Variants in CACNA1A observed in about 807,000 individuals in gnomAD.
The protein encoded by CACNA1A is calcium voltage-gated channel subunit alpha1 A.
Under a neutral mutation model 262.4 loss-of-function variants are expected in CACNA1A, and 57 were observed. The observed-to-expected ratio is 0.22, with a 90% CI of 0.18 to 0.27. CACNA1A has a LOEUF of 0.27. CACNA1A is among the 10% of genes least tolerant of loss of function. The pLI is 1.00. For synonymous variants in CACNA1A, 1,431 were observed against 1,419.3 expected (o/e 1.01, Z -0.18); for missense variants, 2,526 against 3,562.8 (o/e 0.71, Z 7.41).
intron 3 of CACNA1A, among the ~76,000 whole-genome samples, chr19:13,386,052 A>T (rs996979317): frequency 7.2e-5 from 11 of 151,912 alleles, no homozygotes; most frequent in African/African-American, 2.7e-4. Flanking sequence ...TCGTGAGGCT[A>T]AGGTGGGCGG....
intron 30 of CACNA1A, among the ~76,000 whole-genome samples, chr19:13,248,829 T>G: frequency 7.3e-6 from 1 of 137,520 alleles, no homozygotes. Flanking sequence ...GGCAACAGAG[T>G]GAGAATCCAT....
At chr19:13,386,396 A>G (rs1301267734) in intron 3 of CACNA1A, among the ~76,000 whole-genome samples, 1 of 152,118 alleles carries the variant, frequency 6.6e-6, no homozygotes, top group Non-Finnish European at 1.5e-5. Context: ...TCCCCGTGAG[A>G]TGAGTCACAT....
intron 31 of CACNA1A, among the ~76,000 whole-genome samples, chr19:13,238,834 G>T (rs2055969958): frequency 6.6e-6 from 1 of 152,088 alleles, no homozygotes; most frequent in Admixed American, 6.6e-5. Flanking sequence ...TGATCTTCCT[G>T]CCTCAGCCTC....
chr19:13,315,362 A>C (rs10423830), intron 11 of CACNA1A: 43,728 of 151,844 alleles, frequency 0.29, 6,757 homozygotes, highest in East Asian at 0.47. Flanking sequence ...CCATCATGCC[A>C]AGCTAATGTG....
intron 38 of CACNA1A, among the ~76,000 whole-genome samples, chr19:13,224,191 G>T (rs940421154): frequency 1.3e-5 from 2 of 152,178 alleles, no homozygotes; most frequent in East Asian, 3.9e-4. Context: ...GGGTGTGCTG[G>T]TGGGTACCTA....
chr19:13,330,466 T>C, intron 9 of CACNA1A, 133 bp from the exon 10 acceptor site: 1 of 713,242 alleles, frequency 1.4e-6, no homozygotes, highest in Non-Finnish European at 2.5e-6. Context: ...ATACCCATTT[T>C]TCAGATGTGT....
intron 3 of CACNA1A, among the ~76,000 whole-genome samples, chr19:13,372,665 G>C (rs1427958285): frequency 6.6e-6 from 1 of 152,172 alleles, no homozygotes; most frequent in African/African-American, 2.4e-5. Flanking sequence ...AGGGTTGTGA[G>C]GATTCAGTAA....
chr19:13,283,230 A>C, intron 22 of CACNA1A, 37 bp downstream of exon 22: 1 of 1,604,472 alleles, frequency 6.2e-7, no homozygotes, highest in South Asian at 1.1e-5. Context: ...GAGGCAGAGC[A>C]GCCAGGCTAG....
chr19:13,248,157 T>C (rs2056297919), intron 30 of CACNA1A, among the ~76,000 whole-genome samples: 1 of 152,156 alleles, frequency 6.6e-6, no homozygotes. Context: ...TCTCAGGCTC[T>C]GCTTCTGGGG....
At chr19:13,296,792 C>T (rs900427715) in intron 19 of CACNA1A, among the ~76,000 whole-genome samples, 6 of 152,272 alleles carry the variant, frequency 3.9e-5, no homozygotes, top group African/African-American at 1.4e-4. Context: ...CAAAGCCTTG[C>T]TCTGTCGCCC....
intron 1 of CACNA1A, among the ~76,000 whole-genome samples, chr19:13,499,610 C>G (rs931451451): frequency 2.0e-5 from 3 of 152,098 alleles, no homozygotes; most frequent in African/African-American, 7.2e-5. Context: ...TTTTCACGCA[C>G]GACCCCATTT....
At chr19:13,229,287 GA>G (rs2055582559) in intron 36 of CACNA1A, among the ~76,000 whole-genome samples, 1 of 152,166 alleles carries the variant, frequency 6.6e-6, no homozygotes. Context: ...GAGGCCAGAG[GA>G]AGATGGGGCT....
intron 3 of CACNA1A, among the ~76,000 whole-genome samples, chr19:13,417,165 C>A (rs767583279): frequency 6.6e-6 from 1 of 152,138 alleles, no homozygotes; most frequent in African/African-American, 2.4e-5. Flanking sequence ...GGTCAGAAAG[C>A]GACTGCCAAG....
Position 13,255,076 on chromosome 19 carries a change from G to A in CACNA1A, c.4755+19C>T. The A allele has an allele frequency of 6.2e-7, 1 of 1,612,936 alleles. No homozygotes were observed. On this transcript the variant is annotated intron_variant, in intron 29 of 46. Coordinates refer to ENST00000360228, the MANE Select transcript of CACNA1A (RefSeq NM_001127222.2). ...AGGTGGGGGTTAAGTAGTGCTGGGGGCTGGTGTGGGGCACTTACCTTCATC... is the reference window on the plus strand; with the variant it reads ...AGGTGGGGGTTAAGTAGTGCTGGGGACTGGTGTGGGGCACTTACCTTCATC...
Position 13,208,978 on chromosome 19 carries a change from T to G in CACNA1A, c.6558A>C (p.Gln2186His). Residue 2186 changes from glutamine to histidine, a missense_variant, in exon 46 of 47, where the codon CAA (glutamine) becomes CAC (histidine). Coordinates refer to ENST00000360228, the MANE Select transcript of CACNA1A (RefSeq NM_001127222.2). ...GLGTDLSMTTQSGDLPSKERD... is the reference protein window; with the variant it reads ...GLGTDLSMTTHSGDLPSKERD... ...GCTCCTTCGACGGCAGGTCCCCGGATTGGGTGGTCATGCTCAGGTCTGTCC... is the reference window on the plus strand; with the variant it reads ...GCTCCTTCGACGGCAGGTCCCCGGAGTGGGTGGTCATGCTCAGGTCTGTCC... The G allele has an allele frequency of 6.5e-7, 1 of 1,537,090 alleles. No homozygotes were observed.
chr19:13,413,256 G>A (rs369298965), intron 3 of CACNA1A, among the ~76,000 whole-genome samples: 34 of 151,802 alleles, frequency 2.2e-4, no homozygotes, highest in East Asian at 9.8e-4. Context: ...ACAGGCGCCC[G>A]CCACCATACC....
In CACNA1A at chr19:13,212,285, G is replaced by A; in HGVS notation, c.6190-69C>T. On this transcript the variant is annotated intron_variant, in intron 42 of 46. Transcript: ENST00000360228. This position sits in a 1 kb window ranked among gnomAD's most constrained non-coding sequence, Gnocchi z 5.6. ...CTCCAGATCCCTGGTGTCTGCAGAG[G>A]GAGGGAGCTGCAGGTGTGTGTGTGT... is the stretch of plus-strand genomic sequence containing the variant. 1.3e-6 allele frequency: 2 copies of A among 1,566,376 alleles called. No homozygotes were observed. Among genetic ancestry groups the A allele is most frequent in the South Asian group, 2.2e-5 (2 of 89,520 alleles).
At chr19:13,325,979 G>A (rs942987567) in intron 10 of CACNA1A, among the ~76,000 whole-genome samples, 2 of 152,150 alleles carry the variant, frequency 1.3e-5, no homozygotes, top group Non-Finnish European at 2.9e-5. Flanking sequence ...TCGCCAGGCT[G>A]TACAAAATAG....
intron 3 of CACNA1A, among the ~76,000 whole-genome samples, chr19:13,441,629 A>T (rs1289310736): frequency 6.8e-6 from 1 of 147,010 alleles, no homozygotes; most frequent in Non-Finnish European, 1.5e-5. Context: ...GCGCCACTGC[A>T]CTCCAGCCTG....
Sources: gnomAD v4.1 joint callset for allele counts (sites outside exome capture counted in the v4.1 genomes callset) on GRCh38, gnomAD v4.1.1 for gene constraint, Gnocchi (gnomAD v3.1) non-coding constraint, MANE v1.5 for transcripts, NCBI Gene and HGNC (gene_info 2026-07-23, HGNC 2026-07-21) for gene names.